Variants in NOTCH1 observed in about 807,000 individuals in gnomAD.
NOTCH1 encodes the protein notch receptor 1.
A neutral mutation model predicts 254.8 loss-of-function variants in NOTCH1; 37 were observed. The observed-to-expected ratio is 0.15, with a 90% confidence interval of 0.11 to 0.19. The LOEUF (loss-of-function observed/expected upper bound fraction) is 0.19, where lower values mean the gene tolerates loss of function less well. Among genes scored for constraint, NOTCH1 ranks in the 10% least tolerant of loss-of-function variants. The pLI, the probability that NOTCH1 is intolerant of heterozygous loss-of-function variation, is 1.00. For missense variants in NOTCH1, 2,972 were observed against 3,708.6 expected (o/e 0.80, Z 5.16); for synonymous variants, 1,731 against 1,618.1 (o/e 1.07, Z -1.68).
chr9:136,510,752 C>T lies in NOTCH1; in HGVS notation c.2641G>A (p.Gly881Ser), dbSNP rs756555345. ...NECVLSPCRH[G>S]ASCQNTHGGY... is the part of the protein sequence containing the mutation. The stretch of plus-strand genomic sequence containing the variant: ...CCGTGGGTGTTCTGGCAGGATGCGC[C>T]GTGCCGGCACGGGCTCAGAACGCAC... The change falls in exon 17 of 34, where the codon GGC becomes AGC. Residue 881 changes from glycine (G) to serine (S), a missense_variant. Transcript: ENST00000651671. 9 of 1,610,540 alleles carry T rather than the reference C, an allele frequency of 5.6e-6. No individual in the cohort carries two copies. Among genetic ancestry groups the T allele is most frequent in the South Asian group, 5.5e-5 (5 of 91,082 alleles).
At chr9:136,532,853 G>A (rs964645761) in intron 2 of NOTCH1, among the ~76,000 whole-genome samples, 3 of 152,216 alleles carry the variant, frequency 2.0e-5, no homozygotes, top group Non-Finnish European at 4.4e-5. Flanking sequence ...AAGGGGGAAG[G>A]TCTCGTGGGG....
intron 27 of NOTCH1, 70 bp downstream of exon 27, chr9:136,503,112 C>T (rs749926677): frequency 2.6e-5 from 42 of 1,602,306 alleles, no homozygotes; most frequent in Middle Eastern, 3.3e-4. Context: ...AAACAGCCAG[C>T]GTGTCTGGGG....
chr9:136,515,257 G>A lies in NOTCH1; in HGVS notation c.2014+33C>T, dbSNP rs192330438. 3.5e-5 allele frequency: 56 copies of A among 1,592,148 alleles called. No individual in the cohort carries two copies. In the African/African-American group the frequency reaches 6.7e-4, roughly 19 times the overall value. On this transcript the variant is annotated intron_variant, in intron 12 of 33. Coordinates refer to ENST00000651671, the MANE Select transcript of NOTCH1 (RefSeq NM_017617.5). ...TGGCTGACCTTGACCTCTGAGCACA[G>A]TGCAGTCAGCCCCCACGTGCAGGGC... is the stretch of plus-strand genomic sequence containing the variant.
intron 2 of NOTCH1, among the ~76,000 whole-genome samples, chr9:136,526,664 C>T (rs1843465248): frequency 6.6e-6 from 1 of 152,204 alleles, no homozygotes; most frequent in Non-Finnish European, 1.5e-5. Context: ...ACACTCTGCC[C>T]GGACACCGGG....
At chr9:136,516,585 C>T (rs1384723892) in intron 9 of NOTCH1, among the ~76,000 whole-genome samples, 2 of 152,260 alleles carry the variant, frequency 1.3e-5, no homozygotes, top group East Asian at 3.8e-4. Flanking sequence ...TCTGCATACC[C>T]TTGTCGCTGG....
At chr9:136,499,505 G>C (rs1015788188) in intron 31 of NOTCH1, among the ~76,000 whole-genome samples, 2 of 152,224 alleles carry the variant, frequency 1.3e-5, no homozygotes, top group Non-Finnish European at 2.9e-5. Flanking sequence ...TCGTGACCAC[G>C]TGTGGCCTCA....
rs752170410 is a variant in NOTCH1 at position 136,510,813 on chromosome 9, G to A, written c.2588-8C>T. 7.5e-6 allele frequency: 12 copies of A among 1,607,276 alleles called. No homozygotes were observed. Among genetic ancestry groups the A allele is most frequent in the Admixed American group, 3.3e-5 (2 of 59,992 alleles). ...CGACCTCACAGGTCTGCCCTGCGGGGCAGGAGGAGGCCGGTTGGTCACCAG... is the reference window on the plus strand; with the variant it reads ...CGACCTCACAGGTCTGCCCTGCGGGACAGGAGGAGGCCGGTTGGTCACCAG... On this transcript the variant is annotated splice_region_variant and splice_polypyrimidine_tract_variant and intron_variant, in intron 16 of 33. Transcript: ENST00000651671.
chr9:136,496,087 G>A lies in NOTCH1; in HGVS notation c.7652C>T (p.Pro2551Leu), dbSNP rs774680812. The change falls in exon 34 of 34, where the codon CCG (proline) becomes CTG (leucine). Residue 2551 changes from proline (P) to leucine (L), a missense_variant. Pro to Leu is a moderately conservative substitution (Grantham distance 98, BLOSUM62 -3). Around this residue, in one of 8 missense-constraint regions of NOTCH1, gnomAD observed 85 missense variants for 126.1 expected, o/e 0.67. Transcript: ENST00000651671. ...TSMQSQIARI[P>L]EAFK ...GCGCGCCGTTTACTTGAAGGCCTCC[G>A]GAATGCGGGCGATCTGGGACTGCAT... is the stretch of plus-strand genomic sequence containing the variant. The A allele has an allele frequency of 7.5e-6, 12 of 1,605,724 alleles. No homozygotes were observed. The highest frequency in any genetic ancestry group is 1.6e-4 in the Middle Eastern group (1 of 6,078).
At chr9:136,502,995 C>T (rs746626006) in intron 27 of NOTCH1, 187 bp downstream of exon 27, 9 of 834,404 alleles carry the variant, frequency 1.1e-5, no homozygotes, top group Non-Finnish European at 1.8e-5. Context: ...GCTCCACCGG[C>T]AGCTGTGACC....
rs1264574193 is a variant in NOTCH1 at position 136,499,892 on chromosome 9, C to T, written c.5935-633G>A. Among the ~76,000 whole-genome samples the T allele has an allele frequency of 3.3e-5, 5 of 152,330 alleles. No homozygotes were observed. The East Asian group carries it at 5.8e-4, about 18-fold the overall frequency. On this transcript the variant is annotated intron_variant, in intron 31 of 33. Coordinates refer to ENST00000651671, the MANE Select transcript of NOTCH1 (RefSeq NM_017617.5). Reference sequence around the variant, plus strand: ...TTCTGCTCACCTACATTTATTTCTGCGAGATGACAATGTGTCACCTGAGCT... The same window carrying T: ...TTCTGCTCACCTACATTTATTTCTGTGAGATGACAATGTGTCACCTGAGCT...
chr9:136,499,648 C>A (rs1842966969), intron 31 of NOTCH1, among the ~76,000 whole-genome samples: 2 of 151,188 alleles, frequency 1.3e-5, no homozygotes, highest in African/African-American at 4.9e-5. Context: ...TCAGAACCGC[C>A]GAGCTAGTGT....
intron 4 of NOTCH1, among the ~76,000 whole-genome samples, chr9:136,520,278 C>A (rs1387131381): frequency 6.6e-6 from 1 of 152,190 alleles, no homozygotes; most frequent in African/African-American, 2.4e-5. Context: ...TGCCTTTGAA[C>A]CCCCGTTGCC....
In NOTCH1 at chr9:136,508,381, A is replaced by G. The variant is rs776624865; in HGVS notation, c.3176T>C (p.Leu1059Pro). 4 of 1,613,068 alleles carry G rather than the reference A, an allele frequency of 2.5e-6. No individual in the cohort carries two copies. The African/African-American group carries it at 5.3e-5, about 22-fold the overall frequency. ...GGGCGAGGAGTCACACCAGTGCACA[A>G]GGTTCTGGGGACAGATTGGGGTCAG... Reference protein sequence around the residue: ...QGYTGPNCQNLVHWCDSSPCK... With the variant: ...QGYTGPNCQNPVHWCDSSPCK... The change falls in exon 20 of 34, where the codon CTT becomes CCT. Residue 1059 changes from leucine (L) to proline (P), a missense_variant. Leu to Pro is a moderately conservative substitution (Grantham distance 98, BLOSUM62 -3). This residue lies in a region of NOTCH1 where 1,343 missense variants were observed against 1,557.0 expected (regional missense o/e 0.86). Coordinates refer to ENST00000651671, the MANE Select transcript of NOTCH1 (RefSeq NM_017617.5).
At chr9:136,507,503 C>A (rs1207545672) in intron 21 of NOTCH1, 66 bp from the exon 22 acceptor site, 2 of 1,551,928 alleles carry the variant, frequency 1.3e-6, no homozygotes, top group East Asian at 2.4e-5. Flanking sequence ...GCTCCCACAC[C>A]CCACTGTGAG....
At position 136,513,148 on chromosome 9, in the gene NOTCH1, G is replaced by A. The variant is rs376797282; in HGVS notation, c.2354-14C>T. On this transcript the variant is annotated splice_polypyrimidine_tract_variant and intron_variant, in intron 14 of 33. Transcript: ENST00000651671. This position sits in a 1 kb window ranked among gnomAD's most constrained non-coding sequence, Gnocchi z 4.7. ...GGCAGTTGGGACCTGGAGGGAAGGGGACAGCACTCGGCATGTCCAGCACTC... is the reference window on the plus strand; with the variant it reads ...GGCAGTTGGGACCTGGAGGGAAGGGAACAGCACTCGGCATGTCCAGCACTC... 1 of 1,601,302 alleles carries A rather than the reference G, an allele frequency of 6.2e-7. No individual in the cohort carries two copies. The highest frequency in any genetic ancestry group is 2.2e-5 in the East Asian group (1 of 44,782).
Position 136,497,415 on chromosome 9 carries a change from G to A in NOTCH1, c.6324C>T (p.Asp2108=). The A allele has an allele frequency of 1.9e-6, 3 of 1,611,642 alleles. No individual in the cohort carries two copies. Among genetic ancestry groups the A allele is most frequent in the Non-Finnish European group, 2.5e-6 (3 of 1,179,906 alleles). ...RDIAQERMHH[D]IVRLLDEYNL... ...TGTACTCGTCCAGCAGCCTCACGATGTCGTGATGCATGCGCTCCTGTGCGA... is the reference window on the plus strand; with the variant it reads ...TGTACTCGTCCAGCAGCCTCACGATATCGTGATGCATGCGCTCCTGTGCGA... Residue 2108 remains aspartate, a synonymous_variant, in exon 34 of 34, where the codon GAC becomes GAT. Coordinates refer to ENST00000651671, the MANE Select transcript of NOTCH1 (RefSeq NM_017617.5).
chr9:136,514,494 C>T lies in NOTCH1; in HGVS notation c.2207+16G>A, dbSNP rs200956009. 2.8e-4 allele frequency: 428 copies of T among 1,555,828 alleles called. 1 individual carries two copies. The African/African-American group carries it at 4.5e-3, about 16-fold the overall frequency. On this transcript the variant is annotated intron_variant, in intron 13 of 33. Coordinates refer to ENST00000651671, the MANE Select transcript of NOTCH1 (RefSeq NM_017617.5). Reference sequence around the variant, plus strand: ...TTTAGGACTGATGTGTCCCCATGATCGGCCCCGCCGCATACCCGTTGAGGC... The same window carrying T: ...TTTAGGACTGATGTGTCCCCATGATTGGCCCCGCCGCATACCCGTTGAGGC...
At chr9:136,526,767 C>T (rs1009930583) in intron 2 of NOTCH1, among the ~76,000 whole-genome samples, 8 of 152,236 alleles carry the variant, frequency 5.3e-5, no homozygotes, top group Non-Finnish European at 8.8e-5. Flanking sequence ...GGCTGTATCA[C>T]GCCGGGCCAG....
rs754494085 is a variant in NOTCH1 at position 136,515,971 on chromosome 9, C to T, written c.1669+10G>A. On this transcript the variant is annotated intron_variant, in intron 10 of 33. Transcript: ENST00000651671. ...CCAGTCCCTCCCCGCTGGTGGGCGC[C>T]AGCCCGCACCTTCCGTGCACACACA... 8.1e-6 allele frequency: 13 copies of T among 1,602,424 alleles called. No homozygotes were observed. The East Asian group carries it at 8.9e-5, about 11-fold the overall frequency.
Sources: gnomAD v4.1 joint callset for allele counts (sites outside exome capture counted in the v4.1 genomes callset) on GRCh38, gnomAD v4.1.1 for gene constraint, gnomAD v4.1.1 regional missense constraint, Gnocchi (gnomAD v3.1) non-coding constraint, MANE v1.5 for transcripts, NCBI Gene and HGNC (gene_info 2026-07-23, HGNC 2026-07-21) for gene names.